The following SLC35B2 variants were observed in gnomAD, a reference collection of about 807,000 sequenced individuals.
The protein encoded by SLC35B2 is adenosine 3'-phospho 5'-phosphosulfate transporter 1.
SLC35B2 carries 19 observed loss-of-function variants against 37.9 expected under a neutral mutation model. That is an observed-to-expected ratio of 0.50 (90% CI 0.35 to 0.74). The LOEUF (loss-of-function observed/expected upper bound fraction) is 0.74. Among genes scored for constraint, SLC35B2 ranks in the 30% least tolerant of loss-of-function variants. SLC35B2 has a pLI of 0.01. For missense variants in SLC35B2, 633 were observed against 547.6 expected (o/e 1.16, Z -1.56); for synonymous variants, 277 against 225.2 (o/e 1.23, Z -2.06).
rs1781702980 is a variant in SLC35B2, at chr6:44,257,513, A to G, written c.-103T>C. 1.8e-6 allele frequency: 2 copies of G among 1,138,648 alleles called. No homozygotes were observed. The highest frequency in any genetic ancestry group is 1.6e-5 in the African/African-American group (1 of 61,874). 70.5% of individuals were successfully genotyped at this position (1,138,648 alleles called of 1,614,324 possible). On this transcript the variant is annotated 5_prime_UTR_variant, in exon 1 of 4. Coordinates refer to ENST00000393812, the MANE Select transcript of SLC35B2 (RefSeq NM_178148.4). The stretch of plus-strand genomic sequence containing the variant: ...CGCCTCCAGGAGCGGCCAGCGAGCC[A>G]GCGGCCAGCGGAAGTGCCGCGCTCT...
At chr6:44,257,115 T>G in intron 1 of SLC35B2, 1 of 568,488 alleles carries the variant, frequency 1.8e-6, no homozygotes, top group Non-Finnish European at 3.0e-6. Context: ...CACACAGGTC[T>G]CCTCTGTTCC....
chr6:44,255,545 A>T lies in SLC35B2; in HGVS notation c.460T>A (p.Phe154Ile). Residue 154 changes from phenylalanine to isoleucine, a missense_variant, in exon 4 of 4, where the codon TTC (phenylalanine) becomes ATC (isoleucine). Coordinates refer to ENST00000393812, the MANE Select transcript of SLC35B2 (RefSeq NM_178148.4). The stretch of plus-strand genomic sequence containing the variant: ...AGCACTCGGTTCATTAGCACCAGGA[A>T]CTGCGAGTCCGTAAAGCGCTCACCC... ...SPGERFTDSQFLVLMNRVLAL... is the reference protein window; with the variant it reads ...SPGERFTDSQILVLMNRVLAL... The T allele has an allele frequency of 6.2e-7, 1 of 1,614,156 alleles. No homozygotes were observed. The highest frequency in any genetic ancestry group is 8.5e-7 in the Non-Finnish European group (1 of 1,180,030).
In SLC35B2 at chr6:44,254,536, C is replaced by CA; in HGVS notation, c.*169dup. On this transcript the variant is annotated 3_prime_UTR_variant, in exon 4 of 4. Coordinates refer to ENST00000393812, the MANE Select transcript of SLC35B2 (RefSeq NM_178148.4). Reference sequence around the variant, plus strand: ...TTACTGGAAGATGGGTGACTTAAGGCAAAAGGGAAGGCTGCCTCCTGGGCT... The same window carrying CA: ...TTACTGGAAGATGGGTGACTTAAGGCAAAAAGGGAAGGCTGCCTCCTGGGCT... 1.3e-6 allele frequency: 1 copy of CA among 744,046 alleles called. No individual in the cohort carries two copies. The highest frequency in any genetic ancestry group is 1.9e-5 in the South Asian group (1 of 51,370). The allele number at this position is 744,046 out of a possible 1,614,324, so 46.1% of individuals were successfully genotyped here. A position where few individuals can be genotyped will look rare whatever the true frequency, so the allele number is the denominator to read the frequency against.
chr6:44,255,234 G>T lies in SLC35B2; in HGVS notation c.771C>A (p.Ser257Arg), dbSNP rs772246372. 7.4e-6 allele frequency: 12 copies of T among 1,614,210 alleles called. No homozygotes were observed. The highest frequency in any genetic ancestry group is 1.3e-5 in the African/African-American group (1 of 75,046). ...SIGVSMFLLSSGPEPRSSPAT... is the reference protein window; with the variant it reads ...SIGVSMFLLSRGPEPRSSPAT... Reference sequence around the variant, plus strand: ...CTGGGGAGCTGCGGGGCTCTGGTCCGCTGGATAGCAGAAACATGCTGACCC... The same window carrying T: ...CTGGGGAGCTGCGGGGCTCTGGTCCTCTGGATAGCAGAAACATGCTGACCC... The change falls in exon 4 of 4, where the codon AGC becomes AGA. Residue 257 changes from serine to arginine, a missense_variant. Ser to Arg is a moderately radical substitution (Grantham distance 110). Coordinates refer to ENST00000393812, the MANE Select transcript of SLC35B2 (RefSeq NM_178148.4).
In SLC35B2 at chr6:44,254,749, C is replaced by T; in HGVS notation, c.1256G>A (p.Gly419Glu). ...AGACTCAACAGGCACAGCCTTCTTT[C>T]CCCGTTGCTTTAGACGGCCCCGCGC... ...VYARGRLKQR[G>E]KKAVPVESPV... Residue 419 changes from glycine (G) to glutamate (E), a missense_variant, in exon 4 of 4, where the codon GGA becomes GAA. Physicochemically the swap from Gly to Glu is moderately conservative, Grantham distance 98. Transcript: ENST00000393812. 1.2e-6 allele frequency: 2 copies of T among 1,613,934 alleles called. No homozygotes were observed. The highest frequency in any genetic ancestry group is 1.7e-6 in the Non-Finnish European group (2 of 1,179,858).
chr6:44,256,320 G>A lies in SLC35B2; in HGVS notation c.360+22C>T, dbSNP rs899634366. ...CCCACCGGCATCCAACCCAGGAAGA[G>A]AGGCTGAGCCCACCTACCCACCTGG... On this transcript the variant is annotated intron_variant, in intron 3 of 3. Transcript: ENST00000393812. 4 of 1,585,924 alleles carry A rather than the reference G, an allele frequency of 2.5e-6. No individual in the cohort carries two copies. The African/African-American group carries it at 4.1e-5, about 16-fold the overall frequency.
chr6:44,255,486 G>C lies in SLC35B2; in HGVS notation c.519C>G (p.Leu173=). The C allele has an allele frequency of 6.2e-7, 1 of 1,614,224 alleles. No homozygotes were observed. Among genetic ancestry groups the C allele is most frequent in the Non-Finnish European group, 8.5e-7 (1 of 1,180,046 alleles). Residue 173 remains leucine (L), a synonymous_variant, in exon 4 of 4, where the codon CTC becomes CTG. Coordinates refer to ENST00000393812, the MANE Select transcript of SLC35B2 (RefSeq NM_178148.4). ...ALIVAGLSCV[L]CKQPRHGAPM... is the part of the protein sequence containing the mutation. ...GTGCCCCATGCCGGGGCTGCTTGCA[G>C]AGAACACAGGAGAGGCCAGCCACAA...
upstream of SLC35B2, chr6:44,257,530 C>T: frequency 1.0e-6 from 1 of 988,696 alleles, no homozygotes; most frequent in Non-Finnish European, 1.3e-6. Context: ...AGCGGAAGTG[C>T]CGCGCTCTTC....
chr6:44,257,054 C>G, intron 1 of SLC35B2, 176 bp from the exon 2 acceptor site: 1 of 758,862 alleles, frequency 1.3e-6, no homozygotes, highest in Non-Finnish European at 2.0e-6. Flanking sequence ...TGCGCCGGCG[C>G]TGGCCAGGCA....
chr6:44,256,712 A>C lies in SLC35B2; in HGVS notation c.178T>G (p.Phe60Val), dbSNP rs957932872. ...GTCTCCAGGTAGTTCTTCCGCCTGA[A>C]GTACTGCACCAGGAGGTAGCCAGGT... Reference protein sequence around the residue: ...MVPGYLLVQYFRRKNYLETGR... With the variant: ...MVPGYLLVQYVRRKNYLETGR... The change falls in exon 2 of 4, where the codon TTC becomes GTC. Residue 60 changes from phenylalanine to valine, a missense_variant. Phe to Val is a conservative substitution (Grantham distance 50). Transcript: ENST00000393812. 41 of 1,614,092 alleles carry C rather than the reference A, an allele frequency of 2.5e-5. No homozygotes were observed. The highest frequency in any genetic ancestry group is 3.1e-5 in the Non-Finnish European group (36 of 1,179,998).
rs781555906 is a variant in SLC35B2, at chr6:44,256,868, C to A, written c.22G>T (p.Val8Leu). The A allele has an allele frequency of 3.1e-6, 5 of 1,607,994 alleles. No homozygotes were observed. In the African/African-American group the frequency reaches 6.7e-5, roughly 22 times the overall value. MDARWWA[V>L]VVLAAFPSLG... ...GAGGGGAACGCAGCCAGCACCACCA[C>A]TGCCCACCATCTGTAAGGAAAGCGG... Residue 8 changes from valine to leucine, a missense_variant, in exon 2 of 4, where the codon GTG becomes TTG. By Grantham distance (32) the Val-to-Leu change is conservative. Transcript: ENST00000393812.
rs1188420092 is a variant in SLC35B2, at chr6:44,254,965, C to T, written c.1040G>A (p.Cys347Tyr). The T allele has an allele frequency of 5.0e-6, 8 of 1,614,068 alleles. No homozygotes were observed. The highest frequency in any genetic ancestry group is 1.3e-5 in the African/African-American group (1 of 74,924). The change falls in exon 4 of 4, where the codon TGC becomes TAC. Residue 347 changes from cysteine (C) to tyrosine (Y), a missense_variant. Cys to Tyr is a radical substitution (Grantham distance 194). Coordinates refer to ENST00000393812, the MANE Select transcript of SLC35B2 (RefSeq NM_178148.4). ...GATGAAGAGCTGGCCACATGCGGAG[C>T]AGATGGAGAGTAGCAGGGCATGGGC... ...FAAHALLLSICSACGQLFIFY... is the reference protein window; with the variant it reads ...FAAHALLLSIYSACGQLFIFY...
At position 44,254,753 on chromosome 6, in the gene SLC35B2, G is replaced by T. The variant is rs138499828; in HGVS notation, c.1252C>A (p.Arg418=). The T allele has an allele frequency of 6.2e-7, 1 of 1,613,844 alleles. No individual in the cohort carries two copies. The highest frequency in any genetic ancestry group is 1.3e-5 in the African/African-American group (1 of 74,874). The change falls in exon 4 of 4, where the codon CGG becomes AGG. Residue 418 remains arginine (R), a synonymous_variant. Coordinates refer to ENST00000393812, the MANE Select transcript of SLC35B2 (RefSeq NM_178148.4). ...RVYARGRLKQ[R]GKKAVPVESP... ...TCAACAGGCACAGCCTTCTTTCCCC[G>T]TTGCTTTAGACGGCCCCGCGCGTAG...
At chr6:44,257,172 C>T (rs1012946089) in intron 1 of SLC35B2, 94 of 513,236 alleles carry the variant, frequency 1.8e-4, no homozygotes, top group Non-Finnish European at 2.7e-4. Context: ...GCCCCTTCCC[C>T]CACACTCCCC....
rs1583002633 is a variant in SLC35B2, at chr6:44,256,379, T to C, written c.323A>G (p.Gln108Arg). Reference sequence around the variant, plus strand: ...GGCACAGAAGAGCAGCTTCAGGGCCTGCCACATCGGGGTGGTCTCTGCCGC... The same window carrying C: ...GGCACAGAAGAGCAGCTTCAGGGCCCGCCACATCGGGGTGGTCTCTGCCGC... ...TEAAETTPMW[Q>R]ALKLLFCATG... Residue 108 changes from glutamine to arginine, a missense_variant, in exon 3 of 4, where the codon CAG (glutamine) becomes CGG (arginine). Coordinates refer to ENST00000393812, the MANE Select transcript of SLC35B2 (RefSeq NM_178148.4). The C allele has an allele frequency of 9.3e-6, 15 of 1,614,012 alleles. No individual in the cohort carries two copies. The highest frequency in any genetic ancestry group is 6.7e-5 in the East Asian group (3 of 44,888).
At position 44,254,745 on chromosome 6, in the gene SLC35B2, CT is replaced by C; in HGVS notation, c.1259del (p.Lys420ArgfsTer25). The C allele has an allele frequency of 6.2e-7, 1 of 1,613,920 alleles. No individual in the cohort carries two copies. The highest frequency in any genetic ancestry group is 8.5e-7 in the Non-Finnish European group (1 of 1,179,840). On this transcript the variant is annotated frameshift_variant, in exon 4 of 4. Transcript: ENST00000393812. LOFTEE classifies it high-confidence loss of function. ...YARGRLKQRG[K>X]KAVPVESPVQ... ...CAGGAGACTCAACAGGCACAGCCTTCTTTCCCCGTTGCTTTAGACGGCCCCG... is the reference window on the plus strand; with the variant it reads ...CAGGAGACTCAACAGGCACAGCCTTCTTCCCCGTTGCTTTAGACGGCCCCG...
chr6:44,254,726 A>ACTC lies in SLC35B2; in HGVS notation c.1276_1278dup (p.Glu426dup). 1.2e-6 allele frequency: 2 copies of ACTC among 1,612,342 alleles called. No homozygotes were observed. The highest frequency in any genetic ancestry group is 1.7e-6 in the Non-Finnish European group (2 of 1,178,762). On this transcript the variant is annotated inframe_insertion, in exon 4 of 4. Transcript: ENST00000393812. ...CACCCTCAAACCTTCTGCACAGGAG[A>ACTC]CTCAACAGGCACAGCCTTCTTTCCC... is the stretch of plus-strand genomic sequence containing the variant.
In SLC35B2 at chr6:44,254,501, AAT is replaced by A; in HGVS notation, c.*203_*204del. ...AGGACTGTCTACCCCCGGGGCTCAG[AAT>A]AAACTGCTTACTGGAAGATGGGTGA... On this transcript the variant is annotated 3_prime_UTR_variant, in exon 4 of 4. Transcript: ENST00000393812. 1.6e-6 allele frequency: 1 copy of A among 606,170 alleles called. No individual in the cohort carries two copies. The highest frequency in any genetic ancestry group is 2.8e-6 in the Non-Finnish European group (1 of 350,982). 37.5% of individuals were successfully genotyped at this position (606,170 alleles called of 1,614,324 possible).
rs1875324 is a variant in SLC35B2 at position 44,255,273 on chromosome 6, G to A, written c.732C>T (p.Thr244=). The A allele has an allele frequency of 6.2e-7, 1 of 1,614,092 alleles. No homozygotes were observed. Among genetic ancestry groups the A allele is most frequent in the South Asian group, 1.1e-5 (1 of 91,076 alleles). Residue 244 remains threonine (T), a synonymous_variant, in exon 4 of 4, where the codon ACC becomes ACT. Coordinates refer to ENST00000393812, the MANE Select transcript of SLC35B2 (RefSeq NM_178148.4). The part of the protein sequence containing the change: ...SYEHWEYLTA[T]LISIGVSMFL... ...ACATGCTGACCCCAATGGAGATGAG[G>A]GTGGCTGTCAGGTACTCCCAGTGTT...
Sources: gnomAD v4.1 joint callset for allele counts on GRCh38, gnomAD v4.1.1 for gene constraint, MANE v1.5 for transcripts, NCBI Gene and HGNC (gene_info 2026-07-23, HGNC 2026-07-21) for gene names.